The following KCNIP4 variants were observed in gnomAD, a reference collection of about 807,000 sequenced individuals.
The protein encoded by KCNIP4 is Kv channel-interacting protein 4.
In KCNIP4, 12 loss-of-function variants were observed where a neutral mutation model predicts 34.0. The ratio of observed to expected loss-of-function variants is 0.35; its 90% CI spans 0.23 to 0.57. KCNIP4 has a LOEUF of 0.57. Among genes scored for constraint, KCNIP4 ranks in the 20% least tolerant of loss-of-function variants. KCNIP4 has a pLI of 0.83. For missense variants in KCNIP4, 238 were observed against 311.7 expected (o/e 0.76, Z 1.78); for synonymous variants, 124 against 102.2 (o/e 1.21, Z -1.29).
intron 1 of KCNIP4, among the ~76,000 whole-genome samples, chr4:21,910,854 G>T (rs1047670526): frequency 6.6e-6 from 1 of 152,104 alleles, no homozygotes; most frequent in Non-Finnish European, 1.5e-5. Flanking sequence ...AAGATCATTT[G>T]TTAAGTGATT....
intron 1 of KCNIP4, among the ~76,000 whole-genome samples, chr4:21,558,515 T>TAAATAAATAAATAAATAA (rs1560515603): frequency 9.0e-4 from 65 of 72,264 alleles, no homozygotes; most frequent in African/African-American, 2.8e-3. Context: ...TAAATAAATA[T>TAAATAAATAAATAAATAA]ATAAATAAAA....
At chr4:21,266,691 T>C (rs967181033) in intron 1 of KCNIP4, among the ~76,000 whole-genome samples, 1 of 152,164 alleles carries the variant, frequency 6.6e-6, no homozygotes, top group South Asian at 2.1e-4. Context: ...GTAGATCTTG[T>C]CTTAATTATA....
intron 1 of KCNIP4, among the ~76,000 whole-genome samples, chr4:21,774,874 T>C (rs28767794): frequency 0.15 from 22,395 of 151,942 alleles, 5,549 homozygotes; most frequent in African/African-American, 0.51. Flanking sequence ...TTAGTTTCTT[T>C]GAATTGGGTT....
intron 3 of KCNIP4, among the ~76,000 whole-genome samples, chr4:20,846,058 A>G (rs75870570): frequency 0.017 from 2,544 of 152,340 alleles, 78 homozygotes; most frequent in African/African-American, 0.058. Flanking sequence ...GAATGTAAAC[A>G]TCTTTCTATT....
intron 3 of KCNIP4, among the ~76,000 whole-genome samples, chr4:20,789,192 C>T (rs1712403644): frequency 6.6e-6 from 1 of 152,104 alleles, no homozygotes; most frequent in African/African-American, 2.4e-5. Flanking sequence ...GTTAAAAACT[C>T]TATTGCTAAA....
At chr4:21,401,918 T>C (rs1723592750) in intron 1 of KCNIP4, among the ~76,000 whole-genome samples, 2 of 152,202 alleles carry the variant, frequency 1.3e-5, no homozygotes, top group Admixed American at 1.3e-4. Context: ...CTCTAGCCCC[T>C]GATGTTTTAA....
intron 1 of KCNIP4, among the ~76,000 whole-genome samples, chr4:21,311,620 T>C (rs1310124647): frequency 6.8e-6 from 1 of 147,856 alleles, no homozygotes; most frequent in Non-Finnish European, 1.5e-5. Context: ...ACCCAGGAGA[T>C]GGAGGTTGCA....
intron 1 of KCNIP4, among the ~76,000 whole-genome samples, chr4:21,299,711 G>A (rs533897704): frequency 6.6e-6 from 1 of 152,046 alleles, no homozygotes; most frequent in Non-Finnish European, 1.5e-5. Context: ...CTGGCCCCTT[G>A]GTCCTTATTA....
chr4:21,772,129 C>T lies in KCNIP4; in HGVS notation c.61+176442G>A, dbSNP rs537031956. ...CCTAATTTATTGAGAGTTTTTAACA[C>T]GAAGGGATGTTGAATTTTATCAAAG... On this transcript the variant is annotated intron_variant, in intron 1 of 8. Transcript: ENST00000382152. Among the ~76,000 whole-genome samples the T allele has an allele frequency of 2.7e-4, 41 of 152,010 alleles. No individual in the cohort carries two copies. In the South Asian group the frequency reaches 4.4e-3, roughly 16 times the overall value.
chr4:21,381,164 G>T (rs1473049834), intron 1 of KCNIP4, among the ~76,000 whole-genome samples: 1 of 152,170 alleles, frequency 6.6e-6, no homozygotes, highest in Non-Finnish European at 1.5e-5. Context: ...GAAGGGACGA[G>T]ATGTCATTTC....
intron 1 of KCNIP4, among the ~76,000 whole-genome samples, chr4:21,587,723 T>C (rs1252065433): frequency 2.6e-5 from 4 of 152,028 alleles, no homozygotes; most frequent in Admixed American, 6.6e-5. Flanking sequence ...AAGAGAACCA[T>C]TGTGTTTGCC....
chr4:20,768,087 G>C (rs1277942212), intron 3 of KCNIP4, among the ~76,000 whole-genome samples: 1 of 152,176 alleles, frequency 6.6e-6, no homozygotes. Flanking sequence ...TACAACCTGT[G>C]CTGCTGATAT....
chr4:21,679,675 A>G (rs1395398734), intron 1 of KCNIP4, among the ~76,000 whole-genome samples: 3 of 152,176 alleles, frequency 2.0e-5, no homozygotes, highest in Admixed American at 2.0e-4. Flanking sequence ...ATATATACGC[A>G]TATCTCAGAG....
chr4:20,849,773 T>C (rs879673149), intron 3 of KCNIP4, among the ~76,000 whole-genome samples: 1 of 152,224 alleles, frequency 6.6e-6, no homozygotes, highest in Non-Finnish European at 1.5e-5. Context: ...CCTTTAAGGA[T>C]GAACTGTTTT....
intron 1 of KCNIP4, among the ~76,000 whole-genome samples, chr4:20,908,342 C>T (rs917627488): frequency 3.3e-5 from 5 of 152,196 alleles, no homozygotes; most frequent in African/African-American, 1.2e-4. Flanking sequence ...TCGTGATCCG[C>T]CTGCCTCAGC....
chr4:20,902,702 T>A (rs1384832246), intron 1 of KCNIP4, among the ~76,000 whole-genome samples: 1 of 152,046 alleles, frequency 6.6e-6, no homozygotes, highest in African/African-American at 2.4e-5. Context: ...GTATTTTTAG[T>A]AGAGACGGGG....
At chr4:21,212,540 A>G (rs1220842016) in intron 1 of KCNIP4, among the ~76,000 whole-genome samples, 1 of 152,200 alleles carries the variant, frequency 6.6e-6, no homozygotes, top group African/African-American at 2.4e-5. Context: ...TTGGATTGCT[A>G]CAATGAATAT....
At chr4:21,832,281 G>A (rs1188193503) in intron 1 of KCNIP4, among the ~76,000 whole-genome samples, 2 of 152,182 alleles carry the variant, frequency 1.3e-5, no homozygotes, top group Non-Finnish European at 2.9e-5. Flanking sequence ...ATACTCAACA[G>A]TGAAAAGCTG....
chr4:21,232,718 G>C (rs571370821), intron 1 of KCNIP4, among the ~76,000 whole-genome samples: 1 of 152,268 alleles, frequency 6.6e-6, no homozygotes, highest in African/African-American at 2.4e-5. Context: ...TGTGCAAAGC[G>C]TTAAGAGTTA....
Sources: gnomAD v4.1 joint callset for allele counts (sites outside exome capture counted in the v4.1 genomes callset) on GRCh38, gnomAD v4.1.1 for gene constraint, MANE v1.5 for transcripts, NCBI Gene and HGNC (gene_info 2026-07-23, HGNC 2026-07-21) for gene names.